The following KIF13A variants were observed in gnomAD, a reference collection of about 807,000 sequenced individuals.
KIF13A encodes the protein kinesin family member 13A.
Under a neutral mutation model 212.2 loss-of-function variants are expected in KIF13A, and 79 were observed. The ratio of observed to expected loss-of-function variants is 0.37; its 90% confidence interval spans 0.31 to 0.45. The LOEUF (loss-of-function observed/expected upper bound fraction) is 0.45. KIF13A is among the 20% of genes least tolerant of loss of function. The pLI, the probability that KIF13A is intolerant of heterozygous loss-of-function variation, is 1.00. For missense variants in KIF13A, 1,901 were observed against 2,209.0 expected, an observed-to-expected ratio of 0.86 and a Z score of 2.79; for synonymous variants, 789 against 808.6, an observed-to-expected ratio of 0.98 and a Z score of 0.41.
At chr6:17,819,407 A>T (rs2150357510) in intron 16 of KIF13A, among the ~76,000 whole-genome samples, 1 of 152,142 alleles carries the variant, frequency 6.6e-6, no homozygotes, top group Admixed American at 6.5e-5. Context: ...TACTAAAAAC[A>T]CAAAAACTAG....
chr6:17,760,919 C>T, downstream of KIF13A: 1 of 1,608,904 alleles, frequency 6.2e-7, no homozygotes, highest in Non-Finnish European at 8.5e-7. Context: ...CTCATCCCCA[C>T]CTCCCCACCC....
In KIF13A at chr6:17,789,803, T is replaced by C; in HGVS notation, c.3261+69A>G. The C allele has an allele frequency of 1.4e-6, 2 of 1,380,358 alleles. No individual in the cohort carries two copies. The highest frequency in any genetic ancestry group is 2.1e-6 in the Non-Finnish European group (2 of 974,878). The allele number at this position is 1,380,358 out of a possible 1,614,324, so 85.5% of individuals were successfully genotyped here. A position where few individuals can be genotyped will look rare whatever the true frequency, so the allele number is the denominator to read the frequency against. On this transcript the variant is annotated intron_variant, in intron 26 of 38. Transcript: ENST00000259711. The surrounding 1 kb of genome is among the most constrained non-coding windows in gnomAD (Gnocchi z 4.8). ...GCCCTCCTTCCTCCTCCCTGGCCTC[T>C]GCTTTGCGAATGCTGGCAATTAGCA... is the stretch of plus-strand genomic sequence containing the variant.
intron 9 of KIF13A, among the ~76,000 whole-genome samples, chr6:17,847,668 G>A (rs1214070361): frequency 2.0e-5 from 3 of 152,054 alleles, no homozygotes; most frequent in Admixed American, 6.6e-5. Flanking sequence ...TGTTGAACTT[G>A]GAATCATGAT....
intron 12 of KIF13A, 34 bp from the exon 13 acceptor site, chr6:17,831,269 T>A: frequency 1.3e-6 from 2 of 1,595,756 alleles, no homozygotes; most frequent in Non-Finnish European, 1.7e-6. Flanking sequence ...AAGGAAACTC[T>A]GTTTGTTGTT....
At chr6:17,848,813 G>A (rs1767350384) in intron 9 of KIF13A, among the ~76,000 whole-genome samples, 1 of 152,014 alleles carries the variant, frequency 6.6e-6, no homozygotes, top group Non-Finnish European at 1.5e-5. Context: ...TTGTCACGTT[G>A]CCCAGGCTAG....
intron 2 of KIF13A, among the ~76,000 whole-genome samples, chr6:17,935,331 AAAAT>A (rs1262237730): frequency 6.6e-6 from 1 of 152,134 alleles, no homozygotes; most frequent in Non-Finnish European, 1.5e-5. Flanking sequence ...ATCAGAGAGG[AAAAT>A]TCAGCACCAC....
intron 17 of KIF13A, among the ~76,000 whole-genome samples, chr6:17,810,125 C>T (rs1019535605): frequency 5.3e-5 from 8 of 152,112 alleles, no homozygotes; most frequent in African/African-American, 7.2e-5. Context: ...TTTGTTCAGT[C>T]GGCTCAGTCT....
intron 20 of KIF13A, among the ~76,000 whole-genome samples, chr6:17,802,622 T>C (rs929567112): frequency 5.9e-5 from 9 of 151,962 alleles, no homozygotes; most frequent in Non-Finnish European, 2.9e-5. Context: ...TGCTTTTCGA[T>C]AATCTAATTC....
At chr6:17,845,210 C>T (rs1241298208) in intron 9 of KIF13A, among the ~76,000 whole-genome samples, 2 of 152,070 alleles carry the variant, frequency 1.3e-5, no homozygotes, top group Non-Finnish European at 2.9e-5. Context: ...ATGAGGGAAA[C>T]CGCTCCCATG....
At chr6:17,882,099 A>T (rs1771126462) in intron 3 of KIF13A, 2 of 456,610 alleles carry the variant, frequency 4.4e-6, no homozygotes, top group Non-Finnish European at 4.4e-6. Flanking sequence ...GATCCATAAA[A>T]ACGAGATGTG....
chr6:17,907,988 G>C (rs1282554210), intron 2 of KIF13A, among the ~76,000 whole-genome samples: 1 of 152,186 alleles, frequency 6.6e-6, no homozygotes, highest in Admixed American at 6.5e-5. Flanking sequence ...ACACGCACTG[G>C]TGAGCCTCTG....
chr6:17,764,776 T>G lies in KIF13A; in HGVS notation c.4752A>C (p.Lys1584Asn). Residue 1584 changes from lysine (K) to asparagine (N), a missense_variant, in exon 39 of 39, where the codon AAA becomes AAC. This residue lies in a region of KIF13A where 687 missense variants were observed against 759.1 expected (regional missense o/e 0.90). Transcript: ENST00000259711. This position sits in a 1 kb window ranked among gnomAD's most constrained non-coding sequence, Gnocchi z 5.1. ...TGGTGGTAGGGCTACGGGACACTTC[T>G]TTCTCCAAGACCCGTGAGTTTGACA... ...VDLSNSRVLEKEVSRSPTTSS... is the reference protein window; with the variant it reads ...VDLSNSRVLENEVSRSPTTSS... 1.2e-6 allele frequency: 2 copies of G among 1,613,252 alleles called. No individual in the cohort carries two copies. Among genetic ancestry groups the G allele is most frequent in the African/African-American group, 2.7e-5 (2 of 75,024 alleles).
At chr6:17,868,485 C>A (rs963735825) in intron 4 of KIF13A, among the ~76,000 whole-genome samples, 1 of 151,122 alleles carries the variant, frequency 6.6e-6, no homozygotes, top group South Asian at 2.1e-4. Flanking sequence ...ATATGAAGTT[C>A]GGGAGAACAT....
chr6:17,879,912 A>C (rs1397351828), intron 3 of KIF13A, among the ~76,000 whole-genome samples: 1 of 152,174 alleles, frequency 6.6e-6, no homozygotes, highest in African/African-American at 2.4e-5. Context: ...AAGGGAGAAA[A>C]CCAATTTCTC....
In KIF13A at chr6:17,987,483, C is replaced by A. The variant is rs755296997; in HGVS notation, c.-20G>T. The stretch of plus-strand genomic sequence containing the variant: ...CGACATGTTGGCTGCGCTCGCCCGG[C>A]CGCTCGCCGCGCCCGCTCGGCCTTA... On this transcript the variant is annotated 5_prime_UTR_variant, in exon 1 of 39. Transcript: ENST00000259711. The surrounding 1 kb of genome is among the most constrained non-coding windows in gnomAD (Gnocchi z 7.7). 8.0e-7 allele frequency: 1 copy of A among 1,243,798 alleles called. No homozygotes were observed. Among genetic ancestry groups the A allele is most frequent in the Non-Finnish European group, 1.0e-6 (1 of 953,972 alleles). 77.0% of individuals were successfully genotyped at this position (1,243,798 alleles called of 1,614,324 possible). A position where few individuals can be genotyped will look rare whatever the true frequency, so the allele number is the denominator to read the frequency against.
chr6:17,981,991 T>A (rs1781130712), intron 2 of KIF13A, among the ~76,000 whole-genome samples: 1 of 152,168 alleles, frequency 6.6e-6, no homozygotes, highest in Admixed American at 6.5e-5. Flanking sequence ...TTGCAATATT[T>A]ACAGACTGAA....
Position 17,987,259 on chromosome 6 carries a change from G to A in KIF13A, c.56-115C>T. On this transcript the variant is annotated intron_variant, in intron 1 of 38. Coordinates refer to ENST00000259711, the MANE Select transcript of KIF13A (RefSeq NM_022113.6). The surrounding 1 kb of genome is among the most constrained non-coding windows in gnomAD (Gnocchi z 7.7). ...CCTGGAGGCGGCCGAGCCTGGAGAC[G>A]GCGCCCCGGGCACCACGGCCAGCGC... The A allele has an allele frequency of 1.1e-6, 1 of 881,282 alleles. No individual in the cohort carries two copies. The highest frequency in any genetic ancestry group is 1.5e-6 in the Non-Finnish European group (1 of 670,626). 54.6% of individuals were successfully genotyped at this position (881,282 alleles called of 1,614,324 possible). A position where few individuals can be genotyped will look rare whatever the true frequency, so the allele number is the denominator to read the frequency against.
At chr6:17,854,551 T>C (rs1188157540) in intron 6 of KIF13A, among the ~76,000 whole-genome samples, 1 of 58,878 alleles carries the variant, frequency 1.7e-5, no homozygotes, top group African/African-American at 8.2e-5. Context: ...GTATAATTTT[T>C]TTTTTTTTTT....
intron 9 of KIF13A, among the ~76,000 whole-genome samples, chr6:17,842,251 A>G (rs1766598285): frequency 6.6e-6 from 1 of 151,600 alleles, no homozygotes; most frequent in South Asian, 2.1e-4. Flanking sequence ...GGGTCTGGCT[A>G]TGTTGCCCAG....
Sources: gnomAD v4.1 joint callset for allele counts (sites outside exome capture counted in the v4.1 genomes callset) on GRCh38, gnomAD v4.1.1 for gene constraint, gnomAD v4.1.1 regional missense constraint, Gnocchi (gnomAD v3.1) non-coding constraint, MANE v1.5 for transcripts, NCBI Gene and HGNC (gene_info 2026-07-23, HGNC 2026-07-21) for gene names.